The following CD99L2 variants were observed in gnomAD, a reference collection of about 807,000 sequenced individuals.
CD99L2 encodes CD99 molecule like 2.
CD99L2 carries 24 observed loss-of-function variants against 27.3 expected under a neutral mutation model. The observed-to-expected ratio is 0.88, with a 90% CI of 0.64 to 1.24. The LOEUF (loss-of-function observed/expected upper bound fraction) is 1.24. Ranked by LOEUF, CD99L2 falls within the 50% of genes most tolerant of loss-of-function variation. The probability of loss-of-function intolerance (pLI) is 0.00; values close to 1 mark genes in which losing one functional copy is unlikely to be tolerated. For missense variants in CD99L2, 255 were observed against 221.6 expected, an observed-to-expected ratio of 1.15 and a Z score of -0.96; for synonymous variants, 97 against 87.9, an observed-to-expected ratio of 1.10 and a Z score of -0.58.
At chrX:150,874,183 C>G (rs1283190400) in intron 1 of CD99L2, among the ~76,000 whole-genome samples, 1 of 112,119 alleles carries the variant, frequency 8.9e-6, no homozygotes, top group Non-Finnish European at 1.9e-5. Flanking sequence ...GAGGTGCTAC[C>G]TGATGCCAGC....
At chrX:150,827,653 C>T (rs1457847538) in intron 2 of CD99L2, among the ~76,000 whole-genome samples, 1 of 111,413 alleles carries the variant, frequency 9.0e-6, no homozygotes, top group Non-Finnish European at 1.9e-5. Flanking sequence ...TATTTATTTT[C>T]CTGGGGATCT....
At chrX:150,852,927 G>T (rs1557421643) in intron 1 of CD99L2, among the ~76,000 whole-genome samples, 1 of 111,969 alleles carries the variant, frequency 8.9e-6, no homozygotes, top group East Asian at 2.8e-4. Flanking sequence ...AACATGTACA[G>T]CCGGGTTTTC....
At chrX:150,770,732 G>C (rs192968233) in intron 9 of CD99L2, among the ~76,000 whole-genome samples, 2 of 112,986 alleles carry the variant, frequency 1.8e-5, no homozygotes, top group Non-Finnish European at 3.8e-5. Context: ...GTGCGTGTGC[G>C]GCCCGGGGGC....
intron 1 of CD99L2, among the ~76,000 whole-genome samples, chrX:150,861,347 T>A (rs2046974739): frequency 9.0e-6 from 1 of 110,817 alleles, no homozygotes; most frequent in Admixed American, 9.6e-5. Flanking sequence ...TATTACACTA[T>A]CTGACTTCAA....
chrX:150,877,221 G>A (rs1031811796), intron 1 of CD99L2, among the ~76,000 whole-genome samples: 2 of 110,706 alleles, frequency 1.8e-5, no homozygotes, highest in Admixed American at 9.6e-5. Context: ...TAGAAGCAGA[G>A]AGACCTTGGG....
chrX:150,788,920 A>G (rs782376387), intron 7 of CD99L2, among the ~76,000 whole-genome samples: 3 of 111,775 alleles, frequency 2.7e-5, no homozygotes, highest in South Asian at 7.5e-4. Context: ...TCAGCAATTG[A>G]TATTATCAGC....
intron 1 of CD99L2, among the ~76,000 whole-genome samples, chrX:150,895,588 T>C (rs782294742): frequency 1.8e-5 from 2 of 111,399 alleles, no homozygotes; most frequent in South Asian, 3.8e-4. Context: ...AAAATGCCAC[T>C]CCAGGGCCCA....
At chrX:150,786,316 C>T (rs1402454856) in intron 7 of CD99L2, among the ~76,000 whole-genome samples, 1 of 110,428 alleles carries the variant, frequency 9.1e-6, no homozygotes, top group Non-Finnish European at 1.9e-5. Context: ...ATTATTTCAT[C>T]GCCTAGGTAT....
At chrX:150,866,005 G>A (rs1175227360) in intron 1 of CD99L2, among the ~76,000 whole-genome samples, 6 of 111,509 alleles carry the variant, frequency 5.4e-5, no homozygotes, top group African/African-American at 1.3e-4. Flanking sequence ...CCTGTAGTCC[G>A]TGCTACTCTG....
chrX:150,778,683 AAAAT>A (rs1260313455), intron 7 of CD99L2, among the ~76,000 whole-genome samples: 675 of 27,176 alleles, frequency 0.025, 5 homozygotes, highest in African/African-American at 0.046. Flanking sequence ...TAAAAAAAAA[AAAAT>A]ATATATATAT....
At chrX:150,788,756 G>A (rs986707212) in intron 7 of CD99L2, among the ~76,000 whole-genome samples, 3 of 111,523 alleles carry the variant, frequency 2.7e-5, no homozygotes, top group African/African-American at 9.8e-5. Context: ...CTGTTCAACC[G>A]GAGCAAAAAC....
chrX:150,791,641 T>C (rs2045690387), intron 7 of CD99L2, among the ~76,000 whole-genome samples: 1 of 111,104 alleles, frequency 9.0e-6, no homozygotes, highest in Non-Finnish European at 1.9e-5. Context: ...AGTTGAAACA[T>C]TGGCCTCAAA....
At chrX:150,829,919 G>T (rs2046416288) in intron 2 of CD99L2, among the ~76,000 whole-genome samples, 1 of 111,102 alleles carries the variant, frequency 9.0e-6, no homozygotes, top group Non-Finnish European at 1.9e-5. Flanking sequence ...CACTTTGGGA[G>T]GCTGAGGCGG....
intron 7 of CD99L2, among the ~76,000 whole-genome samples, chrX:150,792,242 C>A (rs1185686585): frequency 3.6e-5 from 4 of 112,255 alleles, no homozygotes; most frequent in Non-Finnish European, 7.5e-5. Flanking sequence ...AATTCCTGAA[C>A]ACTTCTTCCT....
At chrX:150,795,665 G>T (rs2045785386) in intron 4 of CD99L2, among the ~76,000 whole-genome samples, 179 bp from the exon 5 acceptor site, 1 of 111,955 alleles carries the variant, frequency 8.9e-6, no homozygotes, top group South Asian at 3.8e-4. Context: ...CTTAAATGAG[G>T]TGGGTTCTGT....
chrX:150,777,433 C>T lies in CD99L2; in HGVS notation c.535+11G>A. The T allele has an allele frequency of 1.7e-6, 2 of 1,211,691 alleles. No homozygotes were observed. Among genetic ancestry groups the T allele is most frequent in the Non-Finnish European group, 2.2e-6 (2 of 895,388 alleles). Reference sequence around the variant, plus strand: ...CATGGCCAACAGGAGCCTCAGGATTCAGAAACCCACCAGATCCAGGGTCGT... The same window carrying T: ...CATGGCCAACAGGAGCCTCAGGATTTAGAAACCCACCAGATCCAGGGTCGT... On this transcript the variant is annotated intron_variant, in intron 8 of 10. Transcript: ENST00000370377.
chrX:150,770,220 C>T, intron 10 of CD99L2, 84 bp downstream of exon 10: 2 of 939,923 alleles, frequency 2.1e-6, no homozygotes, highest in Non-Finnish European at 3.1e-6. Context: ...CTCTGTGCTT[C>T]CCTGCTTCTC....
At chrX:150,798,036 C>T (rs1384141846) in intron 4 of CD99L2, among the ~76,000 whole-genome samples, 4 of 87,081 alleles carry the variant, frequency 4.6e-5, no homozygotes, top group African/African-American at 1.3e-4. Context: ...AATGAGACCC[C>T]GTCAAAAAAA....
At chrX:150,792,314 T>C (rs1332923319) in intron 7 of CD99L2, among the ~76,000 whole-genome samples, 1 of 112,468 alleles carries the variant, frequency 8.9e-6, no homozygotes, top group African/African-American at 3.2e-5. Context: ...CTTTCATTCA[T>C]GTGTGTGCTT....
Sources: gnomAD v4.1 joint callset for allele counts (sites outside exome capture counted in the v4.1 genomes callset) on GRCh38, gnomAD v4.1.1 for gene constraint, MANE v1.5 for transcripts, NCBI Gene and HGNC (gene_info 2026-07-23, HGNC 2026-07-21) for gene names.